TAF4B: variants seen among roughly 807,000 people sequenced by gnomAD.
The protein encoded by TAF4B is TATA-box binding protein associated factor 4b.
Under a neutral mutation model 86.4 loss-of-function variants are expected in TAF4B, and 38 were observed. The ratio of observed to expected loss-of-function variants is 0.44; its 90% CI spans 0.34 to 0.58. The LOEUF is 0.58. Ranked by LOEUF, TAF4B falls within the 20% of genes least tolerant of loss-of-function variation. TAF4B has a pLI of 0.02. For missense variants in TAF4B, 988 were observed against 1,027.6 expected (o/e 0.96, Z 0.53); for synonymous variants, 388 against 391.2 (o/e 0.99, Z 0.10).
At chr18:26,352,656 T>G (rs551061803) in intron 13 of TAF4B, among the ~76,000 whole-genome samples, 1 of 152,234 alleles carries the variant, frequency 6.6e-6, no homozygotes, top group African/African-American at 2.4e-5. Flanking sequence ...GATGCCATCC[T>G]CCAGAGTTAG....
At chr18:26,246,442 C>T (rs529793475) in intron 1 of TAF4B, among the ~76,000 whole-genome samples, 132 of 152,150 alleles carry the variant, frequency 8.7e-4, no homozygotes, top group Non-Finnish European at 1.5e-3. Context: ...TAGAGTGTAG[C>T]AACATAGGAG....
intron 13 of TAF4B, among the ~76,000 whole-genome samples, chr18:26,339,819 T>C (rs2057122674): frequency 6.6e-6 from 1 of 152,246 alleles, no homozygotes; most frequent in Non-Finnish European, 1.5e-5. Flanking sequence ...GACTTTGCAG[T>C]TGAAACATTC....
At chr18:26,363,613 A>G (rs146762238) in intron 14 of TAF4B, among the ~76,000 whole-genome samples, 309 of 152,232 alleles carry the variant, frequency 2.0e-3, no homozygotes, top group Non-Finnish European at 3.4e-3. Flanking sequence ...ATGTTTAGGT[A>G]TACTGCTGAT....
chr18:26,260,768 CA>C (rs2056153466), intron 1 of TAF4B, among the ~76,000 whole-genome samples: 2 of 152,178 alleles, frequency 1.3e-5, no homozygotes, highest in African/African-American at 4.8e-5. Context: ...ACTGTAATGA[CA>C]GAAGTTCCGT....
intron 13 of TAF4B, chr18:26,349,099 A>G (rs2057223586): frequency 6.6e-6 from 1 of 152,180 alleles, no homozygotes; most frequent in African/African-American, 2.4e-5. Context: ...GATTTTTTTA[A>G]AAATAAATTC....
chr18:26,244,981 C>T (rs9964330), intron 1 of TAF4B, among the ~76,000 whole-genome samples: 10,785 of 152,148 alleles, frequency 0.071, 726 homozygotes, highest in African/African-American at 0.16. Flanking sequence ...TCCTCTCTGT[C>T]GACCCTTGGC....
intron 13 of TAF4B, among the ~76,000 whole-genome samples, chr18:26,349,330 A>G (rs1027378628): frequency 6.6e-6 from 1 of 152,068 alleles, no homozygotes; most frequent in Non-Finnish European, 1.5e-5. Context: ...TTGACTACCA[A>G]TGCAATAAAT....
intron 13 of TAF4B, among the ~76,000 whole-genome samples, chr18:26,356,262 C>T (rs903699301): frequency 2.0e-5 from 3 of 152,072 alleles, no homozygotes; most frequent in African/African-American, 7.2e-5. Context: ...TAATCACCTC[C>T]CAGAGGCCCC....
intron 11 of TAF4B, among the ~76,000 whole-genome samples, chr18:26,323,748 T>G (rs1170187664): frequency 1.3e-5 from 2 of 152,190 alleles, no homozygotes; most frequent in African/African-American, 4.8e-5. Flanking sequence ...CTGTCTGATA[T>G]TACTTTCTTT....
At chr18:26,235,239 C>T (rs2055731411) in intron 1 of TAF4B, among the ~76,000 whole-genome samples, 1 of 152,080 alleles carries the variant, frequency 6.6e-6, no homozygotes, top group African/African-American at 2.4e-5. Flanking sequence ...CCTTGATTAG[C>T]ATATAGAGTG....
chr18:26,365,875 C>G (rs964370928), intron 14 of TAF4B, among the ~76,000 whole-genome samples: 1 of 152,082 alleles, frequency 6.6e-6, no homozygotes, highest in Non-Finnish European at 1.5e-5. Context: ...CTGCAACCTC[C>G]ACCTCCCAGG....
chr18:26,242,678 A>ATC (rs1568098589), intron 1 of TAF4B, among the ~76,000 whole-genome samples: 2 of 152,140 alleles, frequency 1.3e-5, no homozygotes, highest in African/African-American at 4.8e-5. Context: ...TCTTCCTAGC[A>ATC]TCGATGGTCT....
intron 5 of TAF4B, among the ~76,000 whole-genome samples, chr18:26,276,417 A>C (rs950831258): frequency 6.6e-6 from 1 of 152,196 alleles, no homozygotes; most frequent in Non-Finnish European, 1.5e-5. Flanking sequence ...GGATTTTTTG[A>C]ACTACTATAA....
intron 14 of TAF4B, among the ~76,000 whole-genome samples, chr18:26,381,845 T>A (rs2057481824): frequency 6.6e-6 from 1 of 152,136 alleles, no homozygotes; most frequent in Non-Finnish European, 1.5e-5. Context: ...CTGCTACATA[T>A]GTTCTAACCT....
intron 5 of TAF4B, among the ~76,000 whole-genome samples, chr18:26,277,588 A>AT (rs1363411812): frequency 6.6e-6 from 1 of 152,068 alleles, no homozygotes; most frequent in Non-Finnish European, 1.5e-5. Flanking sequence ...GTGATATGTT[A>AT]TTTTTTTGGG....
chr18:26,285,578 T>A (rs1402954214), intron 6 of TAF4B, among the ~76,000 whole-genome samples: 1 of 152,134 alleles, frequency 6.6e-6, no homozygotes, highest in Non-Finnish European at 1.5e-5. Context: ...TAATGATCTA[T>A]TATAGGGTTT....
chr18:26,267,392 G>A (rs562522625), intron 2 of TAF4B, 124 bp from the exon 3 acceptor site: 1 of 663,548 alleles, frequency 1.5e-6, no homozygotes, highest in East Asian at 2.7e-5. Context: ...AACACATTAG[G>A]TTATAACTCC....
At chr18:26,326,722 GA>G (rs1300379326) in intron 11 of TAF4B, among the ~76,000 whole-genome samples, 1 of 152,094 alleles carries the variant, frequency 6.6e-6, no homozygotes, top group Non-Finnish European at 1.5e-5. Context: ...TTGTTGGAAG[GA>G]TCTGCTTGGC....
chr18:26,284,927 A>AT (rs1489818866), intron 6 of TAF4B, among the ~76,000 whole-genome samples: 1 of 152,154 alleles, frequency 6.6e-6, no homozygotes, highest in African/African-American at 2.4e-5. Context: ...TTCACTTTGT[A>AT]TTTAATTTTG....
Sources: allele counts gnomAD v4.1 joint callset (sites outside exome capture counted in the v4.1 genomes callset), GRCh38; gene constraint gnomAD v4.1.1; transcripts MANE v1.5; gene names NCBI Gene and HGNC (gene_info 2026-07-23, HGNC 2026-07-21).